TGFBR3: variants seen among roughly 807,000 people sequenced by gnomAD.
TGFBR3 encodes the protein transforming growth factor beta receptor 3, also known as transforming growth factor beta receptor type 3.
Under a neutral mutation model 87.9 loss-of-function variants are expected in TGFBR3, and 46 were observed. That is an observed-to-expected ratio of 0.52 (90% CI 0.41 to 0.67). The LOEUF is 0.67. Among genes scored for constraint, TGFBR3 ranks in the 30% least tolerant of loss-of-function variants. The probability of loss-of-function intolerance (pLI) is 0.00; values close to 1 mark genes in which losing one functional copy is unlikely to be tolerated. For missense variants in TGFBR3, 866 were observed against 1,041.9 expected (o/e 0.83, Z 2.32); for synonymous variants, 381 against 391.6 (o/e 0.97, Z 0.32).
intron 3 of TGFBR3, among the ~76,000 whole-genome samples, chr1:91,771,705 C>CA (rs758894556): frequency 0.013 from 1,106 of 83,024 alleles, 47 homozygotes; most frequent in African/African-American, 0.038. Context: ...GACTCTGTCT[C>CA]AAAAAAAAAA....
chr1:91,724,254 G>C (rs1276369801), intron 7 of TGFBR3, among the ~76,000 whole-genome samples: 1 of 152,262 alleles, frequency 6.6e-6, no homozygotes, highest in African/African-American at 2.4e-5. Flanking sequence ...AGGAAGGAAG[G>C]AAAGAGCTAA....
In TGFBR3 at chr1:91,680,804, C is replaced by T. The variant is rs746829560; in HGVS notation, c.*2935G>A. Reference sequence around the variant, plus strand: ...ACCCCACACACACTCACAATCATGCCCACTAAGAACACAAGCAGGAAATGG... The same window carrying T: ...ACCCCACACACACTCACAATCATGCTCACTAAGAACACAAGCAGGAAATGG... On this transcript the variant is annotated 3_prime_UTR_variant, in exon 17 of 17. Transcript: ENST00000212355. 7.7e-5 allele frequency: 35 copies of T among 452,898 alleles called. No homozygotes were observed. The highest frequency in any genetic ancestry group is 1.5e-4 in the Non-Finnish European group (34 of 226,126). 28.1% of individuals were successfully genotyped at this position (452,898 alleles called of 1,614,324 possible). A position where few individuals can be genotyped will look rare whatever the true frequency, so the allele number is the denominator to read the frequency against.
chr1:91,905,378 AGAGATTGT>A, intron 1 of TGFBR3, among the ~76,000 whole-genome samples: 1 of 152,310 alleles, frequency 6.6e-6, no homozygotes, highest in East Asian at 1.9e-4. Context: ...GTTATCCAAA[AGAGATTGT>A]GATAAGTTTT....
At chr1:91,774,507 T>C (rs1344504082) in intron 3 of TGFBR3, among the ~76,000 whole-genome samples, 2 of 152,164 alleles carry the variant, frequency 1.3e-5, no homozygotes, top group Admixed American at 1.3e-4. Context: ...TATTGAAATA[T>C]AAGTTTCCAA....
At chr1:91,697,420 C>T (rs1382483332) in intron 15 of TGFBR3, among the ~76,000 whole-genome samples, 1 of 152,180 alleles carries the variant, frequency 6.6e-6, no homozygotes, top group Non-Finnish European at 1.5e-5. Flanking sequence ...CACAAATTCT[C>T]CTCACAAGAC....
At chr1:91,841,858 A>G (rs1384379900) in intron 2 of TGFBR3, among the ~76,000 whole-genome samples, 1 of 150,824 alleles carries the variant, frequency 6.6e-6, no homozygotes, top group East Asian at 1.9e-4. Context: ...TAATCACAAC[A>G]CTTTGGGAGG....
chr1:91,773,509 G>A (rs535177424), intron 3 of TGFBR3, among the ~76,000 whole-genome samples: 96 of 152,194 alleles, frequency 6.3e-4, no homozygotes, highest in African/African-American at 1.8e-3. Flanking sequence ...GTGAAACCCC[G>A]TCTCTACTAA....
chr1:91,857,166 G>A (rs986014476), intron 2 of TGFBR3, among the ~76,000 whole-genome samples: 4 of 152,132 alleles, frequency 2.6e-5, no homozygotes, highest in Non-Finnish European at 5.9e-5. Context: ...TGAGGCCACC[G>A]TTTGAATTCC....
chr1:91,701,824 C>A (rs936085164), intron 14 of TGFBR3, among the ~76,000 whole-genome samples: 1 of 152,156 alleles, frequency 6.6e-6, no homozygotes, highest in Non-Finnish European at 1.5e-5. Context: ...CTCCTGGAGA[C>A]TCAGGAGGTC....
At chr1:91,744,451 T>TTATATTTC (rs1673265112) in intron 4 of TGFBR3, among the ~76,000 whole-genome samples, 1 of 152,214 alleles carries the variant, frequency 6.6e-6, no homozygotes, top group Non-Finnish European at 1.5e-5. Flanking sequence ...ATTGTTGGCA[T>TTATATTTC]TATATTTCTA....
chr1:91,796,377 T>C (rs990928205), intron 3 of TGFBR3, among the ~76,000 whole-genome samples: 7 of 152,228 alleles, frequency 4.6e-5, no homozygotes, highest in South Asian at 4.1e-4. Flanking sequence ...ATGGAGTTAC[T>C]GTATGAGTGC....
At chr1:91,802,849 T>G (rs1025121458) in intron 2 of TGFBR3, among the ~76,000 whole-genome samples, 9 of 152,036 alleles carry the variant, frequency 5.9e-5, no homozygotes, top group Admixed American at 1.3e-4. Flanking sequence ...GGCACCAACC[T>G]GGGGGAGGTG....
chr1:91,773,622 C>T (rs1481505925), intron 3 of TGFBR3, among the ~76,000 whole-genome samples: 3 of 152,132 alleles, frequency 2.0e-5, no homozygotes, highest in Non-Finnish European at 2.9e-5. Flanking sequence ...GCAGAGGTTG[C>T]GGTGAGCCGA....
intron 4 of TGFBR3, among the ~76,000 whole-genome samples, chr1:91,743,896 C>A (rs1184352526): frequency 2.6e-5 from 4 of 152,170 alleles, no homozygotes; most frequent in Non-Finnish European, 5.9e-5. Context: ...GGCCACATGG[C>A]ACCATCAAGT....
intron 9 of TGFBR3, 84 bp downstream of exon 9, chr1:91,719,809 G>A (rs1672297485): frequency 5.4e-6 from 8 of 1,477,644 alleles, no homozygotes; most frequent in Non-Finnish European, 7.6e-6. Context: ...AAATGAAAGA[G>A]ATAGGGAGAA....
chr1:91,783,504 C>T (rs1674847632), intron 3 of TGFBR3, among the ~76,000 whole-genome samples: 1 of 152,208 alleles, frequency 6.6e-6, no homozygotes, highest in Non-Finnish European at 1.5e-5. Context: ...GTCTTCCAAA[C>T]ACAGACTCAG....
intron 3 of TGFBR3, among the ~76,000 whole-genome samples, chr1:91,780,935 A>T (rs1674746444): frequency 1.5e-5 from 2 of 134,530 alleles, no homozygotes; most frequent in South Asian, 4.7e-4. Flanking sequence ...ACACACACAG[A>T]GATCTCATCT....
At chr1:91,897,177 T>C (rs1679571354) in intron 2 of TGFBR3, among the ~76,000 whole-genome samples, 1 of 152,222 alleles carries the variant, frequency 6.6e-6, no homozygotes, top group Admixed American at 6.5e-5. Context: ...AATGGTCTTT[T>C]CAATAGCACT....
At chr1:91,810,919 A>G (rs1358254346) in intron 2 of TGFBR3, among the ~76,000 whole-genome samples, 1 of 152,244 alleles carries the variant, frequency 6.6e-6, no homozygotes, top group Non-Finnish European at 1.5e-5. Flanking sequence ...GCACTTAGCT[A>G]AAGGAAACTA....
Sources: gnomAD v4.1 joint callset for allele counts (sites outside exome capture counted in the v4.1 genomes callset) on GRCh38, gnomAD v4.1.1 for gene constraint, MANE v1.5 for transcripts, NCBI Gene and HGNC (gene_info 2026-07-23, HGNC 2026-07-21) for gene names.